The following MECOM variants were observed in gnomAD, a reference collection of about 807,000 sequenced individuals.
MECOM encodes the protein MDS1 and EVI1 complex locus, also known as histone-lysine N-methyltransferase MECOM.
A neutral mutation model predicts 116.3 loss-of-function variants in MECOM; 13 were observed. That is an observed-to-expected ratio of 0.11 (90% CI 0.07 to 0.18). The LOEUF (loss-of-function observed/expected upper bound fraction) is 0.18. Ranked by LOEUF, MECOM falls within the 10% of genes least tolerant of loss-of-function variation. The probability of loss-of-function intolerance (pLI) is 1.00; values close to 1 mark genes in which losing one functional copy is unlikely to be tolerated. For synonymous variants in MECOM, 528 were observed against 535.2 expected (o/e 0.99, Z 0.19); for missense variants, 1,299 against 1,509.0 (o/e 0.86, Z 2.31).
chr3:169,231,639 A>G (rs1753412451), intron 2 of MECOM, among the ~76,000 whole-genome samples: 2 of 152,054 alleles, frequency 1.3e-5, no homozygotes, highest in Non-Finnish European at 2.9e-5. Flanking sequence ...AGTCTTCCAC[A>G]CAAAAAGCTA....
intron 1 of MECOM, among the ~76,000 whole-genome samples, chr3:169,636,827 C>G (rs1026027781): frequency 5.9e-5 from 9 of 152,314 alleles, no homozygotes; most frequent in African/African-American, 1.7e-4. Flanking sequence ...AGAGCAAACA[C>G]GAACAACCTC....
At chr3:169,270,106 A>G (rs1409149147) in intron 2 of MECOM, among the ~76,000 whole-genome samples, 3 of 152,128 alleles carry the variant, frequency 2.0e-5, no homozygotes, top group Non-Finnish European at 4.4e-5. Context: ...ACAAAAAAGG[A>G]CAATGTATAG....
rs199691034 is a variant in MECOM, at chr3:169,183,935, G to T, written c.376-40103C>A. On this transcript the variant is annotated intron_variant, in intron 2 of 16. Coordinates refer to ENST00000651503, the MANE Select transcript of MECOM (RefSeq NM_004991.4). ...GCTGGAGTGCAGTGGTGCGATCTCG[G>T]CTCACTGCAAGCTCCACCTCCCGGG... Among the ~76,000 whole-genome samples, 3 of 151,306 alleles carry T rather than the reference G, an allele frequency of 2.0e-5. No individual in the cohort carries two copies. In the East Asian group the frequency reaches 5.8e-4, roughly 29 times the overall value.
At chr3:169,144,392 A>G (rs1042257171) in intron 2 of MECOM, among the ~76,000 whole-genome samples, 3 of 152,196 alleles carry the variant, frequency 2.0e-5, no homozygotes, top group African/African-American at 7.2e-5. Flanking sequence ...AAAATAATGA[A>G]TTCGGAAACA....
At chr3:169,140,147 C>G (rs949489789) in intron 3 of MECOM, among the ~76,000 whole-genome samples, 2 of 151,968 alleles carry the variant, frequency 1.3e-5, no homozygotes, top group Non-Finnish European at 2.9e-5. Flanking sequence ...TCTGCTTTTG[C>G]TCCTACCCTG....
chr3:169,378,655 G>A (rs1462692573), intron 2 of MECOM, among the ~76,000 whole-genome samples: 2 of 151,852 alleles, frequency 1.3e-5, no homozygotes, highest in African/African-American at 4.8e-5. Flanking sequence ...ATATGGGAGA[G>A]AAATGTGTCA....
At chr3:169,279,571 G>T (rs1465453792) in intron 2 of MECOM, among the ~76,000 whole-genome samples, 1 of 152,172 alleles carries the variant, frequency 6.6e-6, no homozygotes, top group African/African-American at 2.4e-5. Flanking sequence ...AAAAGCTAGA[G>T]AATTTCATTC....
chr3:169,473,796 A>G (rs1397270702), intron 1 of MECOM, among the ~76,000 whole-genome samples: 2 of 152,022 alleles, frequency 1.3e-5, no homozygotes, highest in Middle Eastern at 3.4e-3. Flanking sequence ...AAAACAAAAT[A>G]CCAGACACTA....
chr3:169,310,135 T>C (rs1718474916), intron 2 of MECOM, among the ~76,000 whole-genome samples: 2 of 152,238 alleles, frequency 1.3e-5, no homozygotes, highest in South Asian at 4.1e-4. Flanking sequence ...TTTGCAATTT[T>C]TTCCAATAAC....
intron 1 of MECOM, among the ~76,000 whole-genome samples, chr3:169,455,441 CTT>C (rs985664179): frequency 1.3e-5 from 2 of 152,156 alleles, no homozygotes; most frequent in African/African-American, 4.8e-5. Flanking sequence ...AAGAGAAAAA[CTT>C]TGACAGTTGA....
chr3:169,451,539 A>C (rs1578138084), intron 1 of MECOM, among the ~76,000 whole-genome samples: 1 of 152,186 alleles, frequency 6.6e-6, no homozygotes, highest in African/African-American at 2.4e-5. Flanking sequence ...CAGGTACTCC[A>C]CCATCCATGT....
intron 1 of MECOM, among the ~76,000 whole-genome samples, chr3:169,605,185 T>C (rs9819138): frequency 0.027 from 4,132 of 152,176 alleles, 60 homozygotes; most frequent in Middle Eastern, 0.058. Flanking sequence ...GGAAAGAAGA[T>C]GATATATACT....
Position 169,663,402 on chromosome 3 carries a change from G to C in MECOM, c.-30C>G. The C allele has an allele frequency of 6.2e-7, 1 of 1,602,984 alleles. No individual in the cohort carries two copies. Among genetic ancestry groups the C allele is most frequent in the Non-Finnish European group, 8.5e-7 (1 of 1,174,922 alleles). ...TGCCCAGTCCTGCAGCCGCTGGTGT[G>C]TGGTTGGGGCTTTTTTTTCTTGGAT... is the stretch of plus-strand genomic sequence containing the variant. On this transcript the variant is annotated 5_prime_UTR_variant, in exon 1 of 17. Coordinates refer to ENST00000651503, the MANE Select transcript of MECOM (RefSeq NM_004991.4).
intron 1 of MECOM, among the ~76,000 whole-genome samples, chr3:169,386,450 T>G (rs1733329253): frequency 6.6e-6 from 1 of 152,184 alleles, no homozygotes; most frequent in Non-Finnish European, 1.5e-5. Flanking sequence ...CTTAAAGATA[T>G]GTTTTAAAGT....
chr3:169,570,569 A>G (rs931443815), intron 1 of MECOM, among the ~76,000 whole-genome samples: 7 of 152,214 alleles, frequency 4.6e-5, no homozygotes, highest in African/African-American at 1.4e-4. Context: ...TCCCTGATGA[A>G]CATCAATGTG....
chr3:169,203,071 T>C (rs139807681), intron 2 of MECOM, among the ~76,000 whole-genome samples: 5 of 152,280 alleles, frequency 3.3e-5, no homozygotes, highest in African/African-American at 9.6e-5. Flanking sequence ...ATTTTAGCAG[T>C]CATTTTCATG....
intron 3 of MECOM, among the ~76,000 whole-genome samples, chr3:169,140,428 G>A (rs1737758053): frequency 6.6e-6 from 1 of 152,008 alleles, no homozygotes; most frequent in Admixed American, 6.6e-5. Flanking sequence ...CTTTGGTATA[G>A]CTTCTTTCAT....
rs115560627 is a variant in MECOM at position 169,202,039 on chromosome 3, A to G, written c.376-58207T>C. Among the ~76,000 whole-genome samples, 435 of 152,104 alleles carry G rather than the reference A, an allele frequency of 2.9e-3. 3 individuals are homozygous for G. Among genetic ancestry groups the G allele is most frequent in the African/African-American group, 7.3e-3 (302 of 41,514 alleles). ...TGGTATGTGGAGTTACTAAGCTTTT[A>G]TTGTTGACAAGTGGTAGGTGGGATC... On this transcript the variant is annotated intron_variant, in intron 2 of 16. Transcript: ENST00000651503.
chr3:169,633,246 A>T (rs938365037), intron 1 of MECOM, among the ~76,000 whole-genome samples: 8 of 152,186 alleles, frequency 5.3e-5, no homozygotes, highest in South Asian at 4.1e-4. Flanking sequence ...ATAAAAGCAG[A>T]TGTTTTGCTC....
Sources: gnomAD v4.1 joint callset for allele counts (sites outside exome capture counted in the v4.1 genomes callset) on GRCh38, gnomAD v4.1.1 for gene constraint, MANE v1.5 for transcripts, NCBI Gene and HGNC (gene_info 2026-07-23, HGNC 2026-07-21) for gene names.